The following MED17 variants were observed in gnomAD, a reference collection of about 807,000 sequenced individuals.
The protein encoded by MED17 is mediator of RNA polymerase II transcription subunit 17.
MED17 carries 49 observed loss-of-function variants against 80.8 expected under a neutral mutation model. The observed-to-expected ratio is 0.61, with a 90% CI of 0.48 to 0.77. The LOEUF is 0.77. MED17 is among the 30% of genes least tolerant of loss of function. The pLI is 0.00. For missense variants in MED17, 718 were observed against 787.0 expected (o/e 0.91, Z 1.05); for synonymous variants, 281 against 280.4 (o/e 1.00, Z -0.02).
chr11:93,803,830 T>G (rs1241956283), intron 9 of MED17, among the ~76,000 whole-genome samples: 3 of 151,630 alleles, frequency 2.0e-5, no homozygotes, highest in Non-Finnish European at 4.4e-5. Flanking sequence ...AAAGAAAGAT[T>G]AGTGATGATG....
At chr11:93,796,355 A>G (rs1353373688) in intron 6 of MED17, 55 bp from the exon 7 acceptor site, 3 of 1,449,978 alleles carry the variant, frequency 2.1e-6, no homozygotes, top group African/African-American at 1.4e-5. Context: ...AAGACAGTTT[A>G]TGCCTTTCCA....
intron 2 of MED17, chr11:93,790,340 A>T: frequency 1.7e-6 from 1 of 582,596 alleles, no homozygotes; most frequent in Non-Finnish European, 3.2e-6. Flanking sequence ...GAGTTGATGC[A>T]ATGGTAAGTT....
chr11:93,790,820 T>G, intron 3 of MED17, 27 bp downstream of exon 3: 1 of 1,599,502 alleles, frequency 6.3e-7, no homozygotes. Context: ...AAAACTATAC[T>G]TTCTGGCCAG....
At chr11:93,805,467 G>A (rs1944013438) in intron 9 of MED17, among the ~76,000 whole-genome samples, 1 of 152,128 alleles carries the variant, frequency 6.6e-6, no homozygotes, top group Admixed American at 6.6e-5. Context: ...TGTAGTCCCA[G>A]CTACTTGGGA....
At chr11:93,805,628 G>C (rs2135720308) in intron 9 of MED17, among the ~76,000 whole-genome samples, 1 of 152,278 alleles carries the variant, frequency 6.6e-6, no homozygotes, top group East Asian at 1.9e-4. Context: ...CTACCAAATT[G>C]TTTTTCAAAG....
At chr11:93,800,743 C>T (rs927011193) in intron 8 of MED17, 3 of 151,994 alleles carry the variant, frequency 2.0e-5, no homozygotes, top group Non-Finnish European at 4.4e-5. Flanking sequence ...TTCAAGTGAT[C>T]TTCCTGCCTT....
In MED17 at chr11:93,790,819, C is replaced by T. The variant is rs570733281; in HGVS notation, c.637+26C>T. ...GTATGAATAATTATTAAAAACTATA[C>T]TTTCTGGCCAGGTGTGGTGGCTCAT... On this transcript the variant is annotated intron_variant, in intron 3 of 11. Transcript: ENST00000251871. 10 of 1,598,874 alleles carry T rather than the reference C, an allele frequency of 6.3e-6. No individual in the cohort carries two copies. In the African/African-American group the frequency reaches 8.0e-5, roughly 13 times the overall value.
In MED17 at chr11:93,813,840, C is replaced by T. The variant is rs1013238082; in HGVS notation, c.*1776C>T. 3.3e-5 allele frequency: 5 copies of T among 152,178 alleles called. No homozygotes were observed. Among genetic ancestry groups the T allele is most frequent in the African/African-American group, 1.2e-4 (5 of 41,428 alleles). The allele number at this position is 152,178 out of a possible 1,614,324, so 9.4% of individuals were successfully genotyped here. On this transcript the variant is annotated 3_prime_UTR_variant, in exon 12 of 12. Transcript: ENST00000251871. The stretch of plus-strand genomic sequence containing the variant: ...TCAAATGACTCTCATGCCTCAGCCT[C>T]CCGAGTAACTGGGATTACAGGTGTG...
In MED17 at chr11:93,794,032, C is replaced by G; in HGVS notation, c.856C>G (p.Pro286Ala). 1 of 1,611,432 alleles carries G rather than the reference C, an allele frequency of 6.2e-7. No individual in the cohort carries two copies. The highest frequency in any genetic ancestry group is 8.5e-7 in the Non-Finnish European group (1 of 1,177,728). The change falls in exon 5 of 12, where the codon CCA becomes GCA. Residue 286 changes from proline to alanine, a missense_variant. Pro to Ala is a conservative substitution (Grantham distance 27). Transcript: ENST00000251871. ...CAAACGACCTTTGCCCAAATCCAAA[C>G]CAGGTATGGTTATGTTCTATTCTCT... ...LFKRPLPKSKPGSPHWQTKLE... is the reference protein window; with the variant it reads ...LFKRPLPKSKAGSPHWQTKLE...
At chr11:93,810,297 A>C (rs1261381391) in intron 11 of MED17, 1 of 153,412 alleles carries the variant, frequency 6.5e-6, no homozygotes, top group Non-Finnish European at 1.5e-5. Context: ...AAATAGTAAC[A>C]GTTTTTAAAA....
In MED17 at chr11:93,812,118, T is replaced by C. The variant is rs1944091268; in HGVS notation, c.*54T>C. On this transcript the variant is annotated 3_prime_UTR_variant, in exon 12 of 12. Transcript: ENST00000251871. ...TCCAGAAACTTTGACTTGAAATGTT[T>C]GCAGATCAACTATAAGCACAAAGAA... 5.5e-6 allele frequency: 8 copies of C among 1,455,276 alleles called. No individual in the cohort carries two copies. Among genetic ancestry groups the C allele is most frequent in the South Asian group, 1.1e-5 (1 of 87,856 alleles). 90.1% of individuals were successfully genotyped at this position (1,455,276 alleles called of 1,614,324 possible). A position where few individuals can be genotyped will look rare whatever the true frequency, so the allele number is the denominator to read the frequency against.
chr11:93,809,532 G>A, intron 10 of MED17, 185 bp from the exon 11 acceptor site: 2 of 650,094 alleles, frequency 3.1e-6, no homozygotes, highest in Non-Finnish European at 2.8e-6. Flanking sequence ...CTTTAGCTTT[G>A]GCAGTGGAAG....
intron 7 of MED17, 77 bp downstream of exon 7, chr11:93,796,617 C>T: frequency 6.6e-7 from 1 of 1,509,486 alleles, no homozygotes; most frequent in African/African-American, 1.4e-5. Flanking sequence ...CTCCTCTCGT[C>T]TGCTGAGTCT....
At chr11:93,801,792 G>T in intron 8 of MED17, 43 bp from the exon 9 acceptor site, 3 of 1,579,882 alleles carry the variant, frequency 1.9e-6, no homozygotes, top group Non-Finnish European at 2.6e-6. Flanking sequence ...CTATCATTTT[G>T]TATGGTGACT....
intron 9 of MED17, among the ~76,000 whole-genome samples, chr11:93,805,794 T>C (rs946454802): frequency 2.6e-5 from 4 of 152,062 alleles, no homozygotes; most frequent in African/African-American, 9.7e-5. Flanking sequence ...ATGTAAACTT[T>C]AGTACATCAA....
intron 3 of MED17, among the ~76,000 whole-genome samples, 180 bp downstream of exon 3, chr11:93,790,973 T>TAA (rs748028330): frequency 1.1e-4 from 16 of 152,154 alleles, no homozygotes; most frequent in Non-Finnish European, 2.1e-4. Flanking sequence ...CCAGGCGTGG[T>TAA]AACACGCACC....
chr11:93,784,304 C>G lies in MED17; in HGVS notation c.-210C>G, dbSNP rs772394621. On this transcript the variant is annotated 5_prime_UTR_variant, in exon 1 of 12. Transcript: ENST00000251871. ...CCCAGTTTTGCTCCGAAAGACTTAC[C>G]GAGGAGGGAGCTTGCGGTGCGTTCT... 4.6e-5 allele frequency: 30 copies of G among 651,688 alleles called. No individual in the cohort carries two copies. Among genetic ancestry groups the G allele is most frequent in the East Asian group, 1.7e-4 (6 of 34,778 alleles). 40.4% of individuals were successfully genotyped at this position (651,688 alleles called of 1,614,324 possible).
At chr11:93,796,824 G>A (rs906977770) in intron 7 of MED17, 18 of 399,840 alleles carry the variant, frequency 4.5e-5, no homozygotes, top group African/African-American at 3.1e-4. Flanking sequence ...CTGACCGGGG[G>A]AGTTAAGGGA....
intron 5 of MED17, chr11:93,794,402 C>G (rs556740282): frequency 3.7e-6 from 1 of 268,044 alleles, no homozygotes; most frequent in African/African-American, 2.3e-5. Flanking sequence ...TGGGGTTTCT[C>G]CATGTTGGTC....
Sources: allele counts gnomAD v4.1 joint callset (sites outside exome capture counted in the v4.1 genomes callset), GRCh38; gene constraint gnomAD v4.1.1; transcripts MANE v1.5; gene names NCBI Gene and HGNC (gene_info 2026-07-23, HGNC 2026-07-21).